Variants in SLF1 observed in about 807,000 individuals in gnomAD.
SLF1 encodes SMC5-SMC6 complex localization factor protein 1.
Under a neutral mutation model 123.0 loss-of-function variants are expected in SLF1, and 105 were observed. The ratio of observed to expected loss-of-function variants is 0.85; its 90% CI spans 0.73 to 1.00. The LOEUF (loss-of-function observed/expected upper bound fraction) is 1.00. Among genes scored for constraint, SLF1 ranks in the 50% least tolerant of loss-of-function variants. SLF1 has a pLI of 0.00. For missense variants in SLF1, 1,239 were observed against 1,223.0 expected (o/e 1.01, Z -0.20); for synonymous variants, 434 against 406.6 (o/e 1.07, Z -0.81).
chr5:94,664,995 T>A (rs1166771764), intron 11 of SLF1, among the ~76,000 whole-genome samples: 1 of 152,178 alleles, frequency 6.6e-6, no homozygotes, highest in African/African-American at 2.4e-5. Context: ...TTTCCCTTAC[T>A]ACTAGGGAAA....
At chr5:94,665,808 C>A in intron 11 of SLF1, 53 bp from the exon 12 acceptor site, 2 of 1,452,744 alleles carry the variant, frequency 1.4e-6, no homozygotes, top group South Asian at 1.3e-5. Flanking sequence ...ATTAGAGAGT[C>A]AAACTACTTT....
At chr5:94,678,455 T>G (rs1298707165) in intron 14 of SLF1, 2 of 161,638 alleles carry the variant, frequency 1.2e-5, no homozygotes, top group African/African-American at 4.8e-5. Flanking sequence ...TCTTTTATAG[T>G]CCTATCTCTC....
chr5:94,636,806 C>T (rs535607624), intron 4 of SLF1, among the ~76,000 whole-genome samples: 3 of 149,916 alleles, frequency 2.0e-5, no homozygotes, highest in African/African-American at 4.9e-5. Context: ...CAACCTCCTC[C>T]TCCTGGGTTC....
At chr5:94,690,902 T>A (rs1017275609) in intron 18 of SLF1, among the ~76,000 whole-genome samples, 1 of 136,922 alleles carries the variant, frequency 7.3e-6, no homozygotes, top group Admixed American at 7.2e-5. Flanking sequence ...GTACTAGGGA[T>A]TTTTTTTTTT....
At chr5:94,643,885 A>G (rs943818763) in intron 5 of SLF1, among the ~76,000 whole-genome samples, 1 of 152,142 alleles carries the variant, frequency 6.6e-6, no homozygotes, top group African/African-American at 2.4e-5. Flanking sequence ...GGAGATAAGC[A>G]AAGAAGAATT....
At chr5:94,629,846 C>T (rs1046451184) in intron 3 of SLF1, 1 of 152,076 alleles carries the variant, frequency 6.6e-6, no homozygotes, top group Non-Finnish European at 1.5e-5. Context: ...CATTGATGCC[C>T]AGATAAAGAA....
At chr5:94,676,493 C>G (rs553734018) in intron 14 of SLF1, among the ~76,000 whole-genome samples, 37 of 152,210 alleles carry the variant, frequency 2.4e-4, no homozygotes, top group Non-Finnish European at 3.2e-4. Flanking sequence ...AGGCAGGAGA[C>G]TGGGTGGGAT....
At chr5:94,634,756 A>T (rs1331000616) in intron 4 of SLF1, among the ~76,000 whole-genome samples, 1 of 152,182 alleles carries the variant, frequency 6.6e-6, no homozygotes, top group African/African-American at 2.4e-5. Flanking sequence ...GATAATAAGC[A>T]TTCTGACAGA....
At chr5:94,623,545 C>A (rs1436214258) in intron 1 of SLF1, among the ~76,000 whole-genome samples, 7 of 151,650 alleles carry the variant, frequency 4.6e-5, no homozygotes, top group African/African-American at 1.7e-4. Context: ...CTCCAAGGAA[C>A]ACCCCCTATT....
chr5:94,688,575 A>G lies in SLF1; in HGVS notation c.2191A>G (p.Lys731Glu), dbSNP rs1752709070. 6.2e-7 allele frequency: 1 copy of G among 1,614,118 alleles called. No individual in the cohort carries two copies. Among genetic ancestry groups the G allele is most frequent in the Non-Finnish European group, 8.5e-7 (1 of 1,179,982 alleles). Residue 731 changes from lysine (K) to glutamate (E), a missense_variant, in exon 17 of 21, where the codon AAA (lysine) becomes GAA (glutamate). By Grantham distance (56) the Lys-to-Glu change is moderately conservative. Transcript: ENST00000265140. The part of the protein sequence containing the change: ...LGSGKIQVSK[K>E]IGQRPCFDSQ... Reference sequence around the variant, plus strand: ...GTCTGGAAAGATTCAGGTGTCAAAGAAAATAGGACAGCGGCCTTGTTTTGA... The same window carrying G: ...GTCTGGAAAGATTCAGGTGTCAAAGGAAATAGGACAGCGGCCTTGTTTTGA...
intron 14 of SLF1, among the ~76,000 whole-genome samples, chr5:94,672,925 A>G (rs1750633615): frequency 6.6e-6 from 1 of 152,216 alleles, no homozygotes; most frequent in South Asian, 2.1e-4. Context: ...AGACCAGAGT[A>G]TCTTCCCCCA....
rs970765997 is a variant in SLF1, at chr5:94,632,684, A to G, written c.431+1941A>G. Among the ~76,000 whole-genome samples the G allele has an allele frequency of 3.3e-5, 5 of 151,490 alleles. No homozygotes were observed. In the South Asian group the frequency reaches 8.4e-4, roughly 25 times the overall value. ...CTCCTTTATTTTCTTAATATGTTGA[A>G]TTATACTTGTTTGTTTCTTTTATTT... On this transcript the variant is annotated intron_variant, in intron 4 of 20. Coordinates refer to ENST00000265140, the MANE Select transcript of SLF1 (RefSeq NM_032290.4).
chr5:94,634,197 C>A (rs1745505819), intron 4 of SLF1, among the ~76,000 whole-genome samples: 4 of 152,192 alleles, frequency 2.6e-5, no homozygotes, highest in Middle Eastern at 3.4e-3. Context: ...ATACTGAATT[C>A]CTGTTATCAG....
At chr5:94,688,737 G>A in intron 17 of SLF1, 68 bp downstream of exon 17, 1 of 1,528,282 alleles carries the variant, frequency 6.5e-7, no homozygotes, top group Non-Finnish European at 9.0e-7. Context: ...TGCATTTCTT[G>A]AACTTAATGG....
At chr5:94,683,440 G>T (rs1752052746) in intron 15 of SLF1, among the ~76,000 whole-genome samples, 1 of 152,108 alleles carries the variant, frequency 6.6e-6, no homozygotes, top group Admixed American at 6.6e-5. Flanking sequence ...AACTTTAAGA[G>T]AGATAAACGG....
rs1745098193 is a variant in SLF1 at position 94,630,655 on chromosome 5, C to T, written c.343C>T (p.Leu115=). Residue 115 remains leucine (L), a synonymous_variant, in exon 4 of 21, where the codon CTG becomes TTG. Transcript: ENST00000265140. ...TGCACCTAAAAGATGGCGTGAAGAACTGAAACGCACTGGTGCTCCAGGAGC... is the reference window on the plus strand; with the variant it reads ...TGCACCTAAAAGATGGCGTGAAGAATTGAAACGCACTGGTGCTCCAGGAGC... ...QSAPKRWREE[L]KRTGAPGAFH... is the part of the protein sequence containing the mutation. 1 of 1,551,590 alleles carries T rather than the reference C, an allele frequency of 6.4e-7. No homozygotes were observed. Among genetic ancestry groups the T allele is most frequent in the Admixed American group, 2.0e-5 (1 of 50,982 alleles).
chr5:94,679,854 A>C (rs1416393301), intron 15 of SLF1, among the ~76,000 whole-genome samples: 1 of 152,164 alleles, frequency 6.6e-6, no homozygotes, highest in African/African-American at 2.4e-5. Flanking sequence ...CTCTAGACTG[A>C]AGGAGGCTTC....
Position 94,695,607 on chromosome 5 carries a change from A to C in SLF1, c.*295A>C. 1 of 167,198 alleles carries C rather than the reference A, an allele frequency of 6.0e-6. No individual in the cohort carries two copies. Among genetic ancestry groups the C allele is most frequent in the Non-Finnish European group, 1.3e-5 (1 of 78,306 alleles). 10.4% of individuals were successfully genotyped at this position (167,198 alleles called of 1,614,324 possible). On this transcript the variant is annotated 3_prime_UTR_variant, in exon 21 of 21. Transcript: ENST00000265140. ...AAGTGATATTATATTGTACATGTAA[A>C]ATTAATTTAAATATTTTTTCAAATA...
intron 9 of SLF1, among the ~76,000 whole-genome samples, chr5:94,658,162 G>GTT (rs202152246): frequency 0.12 from 15,651 of 126,408 alleles, 1,171 homozygotes; most frequent in East Asian, 0.32. Context: ...GGTGTTTTTT[G>GTT]TTTTTTTTTT....
Sources: gnomAD v4.1 joint callset for allele counts (sites outside exome capture counted in the v4.1 genomes callset) on GRCh38, gnomAD v4.1.1 for gene constraint, MANE v1.5 for transcripts, NCBI Gene and HGNC (gene_info 2026-07-23, HGNC 2026-07-21) for gene names.